Variants in CEP128 observed in about 807,000 individuals in gnomAD.
CEP128 encodes centrosomal protein 128kDa.
In CEP128, 132 loss-of-function variants were observed where a neutral mutation model predicts 156.7. The observed-to-expected ratio is 0.84, with a 90% CI of 0.73 to 0.97. The LOEUF is 0.97. Among genes scored for constraint, CEP128 ranks in the 50% least tolerant of loss-of-function variants. The pLI, the probability that CEP128 is intolerant of heterozygous loss-of-function variation, is 0.00. For missense variants in CEP128, 1,252 were observed against 1,281.9 expected (o/e 0.98, Z 0.36); for synonymous variants, 469 against 448.9 (o/e 1.04, Z -0.57).
intron 9 of CEP128, among the ~76,000 whole-genome samples, 154 bp downstream of exon 9, chr14:80,862,603 G>T (rs1029791835): frequency 3.3e-5 from 5 of 152,076 alleles, no homozygotes; most frequent in African/African-American, 1.2e-4. Context: ...AAACCAGGGA[G>T]GTCTGATTCT....
intron 13 of CEP128, among the ~76,000 whole-genome samples, chr14:80,804,441 C>T (rs1595428651): frequency 6.6e-6 from 1 of 152,212 alleles, no homozygotes; most frequent in East Asian, 1.9e-4. Flanking sequence ...AAGTGGTAGA[C>T]AAGCCAATGA....
At position 80,620,806 on chromosome 14, in the gene CEP128, C is replaced by T. The variant is rs1031361153; in HGVS notation, c.2807-40383G>A. Among the ~76,000 whole-genome samples the T allele has an allele frequency of 3.3e-5, 5 of 152,250 alleles. No individual in the cohort carries two copies. The East Asian group carries it at 5.8e-4, about 18-fold the overall frequency. ...GTACACTTTAAGTCAGGTAGATATG[C>T]TATAGTTTTAAGAGTGCCTACTAAA... is the stretch of plus-strand genomic sequence containing the variant. On this transcript the variant is annotated intron_variant, in intron 19 of 24. Transcript: ENST00000555265.
At chr14:80,774,289 T>TA (rs936655653) in intron 16 of CEP128, among the ~76,000 whole-genome samples, 3 of 151,856 alleles carry the variant, frequency 2.0e-5, no homozygotes, top group Non-Finnish European at 2.9e-5. Flanking sequence ...AGCAAGGCTT[T>TA]AAAAAAAAGG....
intron 19 of CEP128, among the ~76,000 whole-genome samples, chr14:80,592,568 G>T (rs920067190): frequency 6.6e-6 from 1 of 152,094 alleles, no homozygotes; most frequent in African/African-American, 2.4e-5. Context: ...TCTACCAGAG[G>T]TACAAAGAGG....
chr14:80,938,833 G>A (rs772648512), intron 2 of CEP128, among the ~76,000 whole-genome samples: 44 of 152,058 alleles, frequency 2.9e-4, no homozygotes, highest in Non-Finnish European at 1.8e-4. Flanking sequence ...AACATTGAAA[G>A]AGATGAATAA....
rs1048290180 is a variant in CEP128, at chr14:80,865,296, G to C, written c.646-2423C>G. Among the ~76,000 whole-genome samples, 6 of 152,246 alleles carry C rather than the reference G, an allele frequency of 3.9e-5. 1 individual carries two copies. The South Asian group carries it at 1.2e-3, about 32-fold the overall frequency. On this transcript the variant is annotated intron_variant, in intron 8 of 24. Coordinates refer to ENST00000555265, the MANE Select transcript of CEP128 (RefSeq NM_152446.5). ...AAAATTGAACAATATTCCATTGGGT[G>C]TATATACGTGTGTATGTGTATTTCT...
chr14:80,707,789 T>C (rs183364666), intron 19 of CEP128, among the ~76,000 whole-genome samples: 5 of 152,306 alleles, frequency 3.3e-5, no homozygotes, highest in Non-Finnish European at 5.9e-5. Context: ...ATACCACCAA[T>C]ACCACAAGAA....
At chr14:80,520,337 T>G (rs1216360801) in intron 23 of CEP128, among the ~76,000 whole-genome samples, 1 of 152,034 alleles carries the variant, frequency 6.6e-6, no homozygotes. Flanking sequence ...GAGACTTGCT[T>G]GAACCCAGGA....
chr14:80,621,424 T>C (rs1029245941), intron 19 of CEP128, among the ~76,000 whole-genome samples: 2 of 152,206 alleles, frequency 1.3e-5, no homozygotes, highest in Non-Finnish European at 2.9e-5. Flanking sequence ...AGACAAAAGC[T>C]ATATATAACA....
In CEP128 at chr14:80,527,138, AAAG is replaced by A. The variant is rs1324143874; in HGVS notation, c.2959-159_2959-157del. ...AGGAGAATCACAGGCCACCATAGAG[AAAG>A]AAGAAGGCTACACACAGTGGCTCAA... On this transcript the variant is annotated intron_variant, in intron 22 of 24. Transcript: ENST00000555265. 1.1e-5 allele frequency: 6 copies of A among 557,278 alleles called. No individual in the cohort carries two copies. The African/African-American group carries it at 1.1e-4, about 11-fold the overall frequency. The allele number at this position is 557,278 out of a possible 1,614,324, so 34.5% of individuals were successfully genotyped here. A position where few individuals can be genotyped will look rare whatever the true frequency, so the allele number is the denominator to read the frequency against.
At position 80,815,254 on chromosome 14, in the gene CEP128, A is replaced by G. The variant is rs567430380; in HGVS notation, c.1209+15889T>C. Among the ~76,000 whole-genome samples the G allele has an allele frequency of 6.6e-5, 10 of 152,366 alleles. No individual in the cohort carries two copies. In the South Asian group the frequency reaches 1.7e-3, roughly 25 times the overall value. ...TAATAAGTTCATTAAAAAGTGGACA[A>G]AGAACAAGAACAATCATTTTTCAAA... On this transcript the variant is annotated intron_variant, in intron 13 of 24. Transcript: ENST00000555265.
intron 19 of CEP128, among the ~76,000 whole-genome samples, chr14:80,620,109 GA>G (rs1171934996): frequency 8.5e-5 from 13 of 152,116 alleles, no homozygotes; most frequent in African/African-American, 3.1e-4. Context: ...TGGATGACAA[GA>G]GCAAAACTCC....
intron 19 of CEP128, among the ~76,000 whole-genome samples, chr14:80,620,636 A>G (rs1006646534): frequency 6.6e-6 from 1 of 152,200 alleles, no homozygotes; most frequent in Non-Finnish European, 1.5e-5. Flanking sequence ...CAGGTAAACA[A>G]TTACGTAATA....
intron 19 of CEP128, among the ~76,000 whole-genome samples, chr14:80,670,782 C>A (rs557690701): frequency 6.6e-6 from 1 of 151,864 alleles, no homozygotes; most frequent in African/African-American, 2.4e-5. Context: ...TTTAAATTTA[C>A]ATAAATTTAC....
intron 23 of CEP128, among the ~76,000 whole-genome samples, chr14:80,516,363 C>T (rs555919860): frequency 1.3e-5 from 2 of 152,294 alleles, no homozygotes; most frequent in African/African-American, 4.8e-5. Context: ...CCTCTTTACT[C>T]TCCTCCTTTC....
chr14:80,777,508 C>T (rs766998019), intron 16 of CEP128, among the ~76,000 whole-genome samples: 6 of 152,158 alleles, frequency 3.9e-5, no homozygotes, highest in Non-Finnish European at 8.8e-5. Context: ...CTCAAACAGA[C>T]TAAGACACTA....
At chr14:80,891,871 T>C (rs569108888) in intron 8 of CEP128, among the ~76,000 whole-genome samples, 28 of 151,854 alleles carry the variant, frequency 1.8e-4, no homozygotes, top group Non-Finnish European at 3.5e-4. Context: ...GTGAAAATCC[T>C]GTACACAGAA....
At chr14:80,480,462 G>A (rs1372870228) in intron 14 of CEP128, among the ~76,000 whole-genome samples, 1 of 152,070 alleles carries the variant, frequency 6.6e-6, no homozygotes, top group Non-Finnish European at 1.5e-5. Flanking sequence ...AGCCATGGCT[G>A]GAGTGGCTGA....
rs3069115 is a variant in CEP128 at position 80,617,219 on chromosome 14, CTTTTTTTTTTTTTTTT to C, written c.2807-36812_2807-36797del. On this transcript the variant is annotated intron_variant, in intron 19 of 24. Coordinates refer to ENST00000555265, the MANE Select transcript of CEP128 (RefSeq NM_152446.5). ...ATCACTTAACCTATGTGAATATCAT[CTTTTTTTTTTTTTTTT>C]TTTTTTTTTTTTTGAGACGGAGTGT... Among the ~76,000 whole-genome samples, 15 of 60,228 alleles carry C rather than the reference CTTTTTTTTTTTTTTTT, an allele frequency of 2.5e-4. No individual in the cohort carries two copies. In the South Asian group the frequency reaches 0.01, roughly 41 times the overall value. 39.5% of individuals were successfully genotyped at this position (60,228 alleles called of 152,430 possible).
Sources: allele counts gnomAD v4.1 joint callset (sites outside exome capture counted in the v4.1 genomes callset), GRCh38; gene constraint gnomAD v4.1.1; transcripts MANE v1.5; gene names NCBI Gene and HGNC (gene_info 2026-07-23, HGNC 2026-07-21).